Variants in IARS1 observed in about 807,000 individuals in gnomAD.
The protein encoded by IARS1 is isoleucyl-tRNA synthetase 1.
Under a neutral mutation model 168.2 loss-of-function variants are expected in IARS1, and 124 were observed. That is an observed-to-expected ratio of 0.74 (90% CI 0.64 to 0.86). The LOEUF is 0.86. Among genes scored for constraint, IARS1 ranks in the 40% least tolerant of loss-of-function variants. The pLI is 0.00. For missense variants in IARS1, 1,452 were observed against 1,515.8 expected (o/e 0.96, Z 0.70); for synonymous variants, 532 against 529.4 (o/e 1.00, Z -0.07).
intron 16 of IARS1, among the ~76,000 whole-genome samples, chr9:92,263,924 A>G (rs1831903175): frequency 6.6e-6 from 1 of 152,266 alleles, no homozygotes; most frequent in African/African-American, 2.4e-5. Context: ...ATCTGAAGAC[A>G]GCACATTCCA....
At position 92,250,331 on chromosome 9, in the gene IARS1, GA is replaced by G. The variant is rs766416467; in HGVS notation, c.2430-43del. The stretch of plus-strand genomic sequence containing the variant: ...GGAATATGAAAGAGTTTAGATTTAA[GA>G]GGAGAAAATTGAAGGCACTAGGCAT... On this transcript the variant is annotated intron_variant, in intron 23 of 33. Transcript: ENST00000443024. 3 of 1,302,430 alleles carry G rather than the reference GA, an allele frequency of 2.3e-6. No individual in the cohort carries two copies. The South Asian group carries it at 3.5e-5, about 15-fold the overall frequency. The allele number at this position is 1,302,430 out of a possible 1,614,324, so 80.7% of individuals were successfully genotyped here.
chr9:92,271,114 C>T, intron 11 of IARS1, 38 bp from the exon 12 acceptor site: 2 of 1,304,748 alleles, frequency 1.5e-6, no homozygotes, highest in Non-Finnish European at 2.2e-6. Context: ...TTAAAACATA[C>T]TATAATACTT....
chr9:92,234,623 C>T (rs187292577), intron 30 of IARS1, among the ~76,000 whole-genome samples: 276 of 152,288 alleles, frequency 1.8e-3, no homozygotes, highest in Admixed American at 3.7e-3. Flanking sequence ...ACTGACCATC[C>T]GATTCCTTCT....
Position 92,245,040 on chromosome 9 carries a change from G to C in IARS1, c.2823C>G (p.His941Gln). ...TGTACATGAGGCGGATGTCTTCATC[G>C]TGCAATTCATGGCCTTCCACAACAA... ...GTIVVEGHEL[H>Q]DEDIRLMYTF... The change falls in exon 27 of 34, where the codon CAC becomes CAG. Residue 941 changes from histidine (H) to glutamine (Q), a missense_variant. His to Gln is a conservative substitution (Grantham distance 24). Transcript: ENST00000443024. The C allele has an allele frequency of 6.2e-7, 1 of 1,614,120 alleles. No individual in the cohort carries two copies. The highest frequency in any genetic ancestry group is 8.5e-7 in the Non-Finnish European group (1 of 1,179,996).
At chr9:92,220,736 TGGGA>T (rs1453192961) in intron 33 of IARS1, among the ~76,000 whole-genome samples, 1 of 152,148 alleles carries the variant, frequency 6.6e-6, no homozygotes, top group Admixed American at 6.5e-5. Flanking sequence ...GAGGCCAAGG[TGGGA>T]GGATCACTTG....
intron 9 of IARS1, among the ~76,000 whole-genome samples, chr9:92,274,902 T>C (rs906363239): frequency 6.6e-6 from 1 of 152,220 alleles, no homozygotes; most frequent in Non-Finnish European, 1.5e-5. Context: ...TCACTGCATA[T>C]GTTTTGCTTC....
intron 2 of IARS1, 91 bp downstream of exon 2, chr9:92,289,206 CAAAA>C (rs11438082): frequency 4.3e-3 from 1,398 of 324,752 alleles, no homozygotes; most frequent in East Asian, 6.8e-3. Context: ...GACTCCATCT[CAAAA>C]AAAAAAAAAA....
intron 31 of IARS1, among the ~76,000 whole-genome samples, chr9:92,225,192 T>G (rs1825476969): frequency 6.6e-6 from 1 of 152,178 alleles, no homozygotes; most frequent in East Asian, 1.9e-4. Context: ...TGGACAAGGA[T>G]TTGCCACTGT....
rs776692827 is a variant in IARS1, at chr9:92,278,229, T to A, written c.803A>T (p.Lys268Ile). ...AAGGATCTCATAGTCACTCTCCAAT[T>A]TATAGAGGGCTGACAATCTGGCTTC... The part of the protein sequence containing the change: ...LMEARLSALY[K>I]LESDYEILER... The change falls in exon 8 of 34, where the codon AAA (lysine) becomes ATA (isoleucine). Residue 268 changes from lysine to isoleucine, a missense_variant. Lys to Ile is a moderately radical substitution (Grantham distance 102, BLOSUM62 -3). Transcript: ENST00000443024. 1.2e-6 allele frequency: 2 copies of A among 1,611,812 alleles called. No homozygotes were observed. Among genetic ancestry groups the A allele is most frequent in the Non-Finnish European group, 1.7e-6 (2 of 1,177,872 alleles).
At chr9:92,228,870 G>C in intron 31 of IARS1, 131 bp downstream of exon 31, 1 of 980,972 alleles carries the variant, frequency 1.0e-6, no homozygotes, top group Admixed American at 2.1e-5. Flanking sequence ...AGGCACTGCT[G>C]AAGAGTTGGG....
At chr9:92,219,265 A>C (rs983460395) in intron 33 of IARS1, among the ~76,000 whole-genome samples, 31 of 152,216 alleles carry the variant, frequency 2.0e-4, no homozygotes, top group African/African-American at 6.0e-4. Context: ...CTTATACAAA[A>C]ATCAAGATGG....
rs1404207737 is a variant in IARS1 at position 92,265,049 on chromosome 9, C to T, written c.1580G>A (p.Trp527Ter). ...ATAGGGCATGCTGCCACTCTCAAAC[C>T]AACAGTCAAACACTTCAGAGATGCG... The part of the protein sequence containing the change: ...LHRISEVFDC[W>*]FESGSMPYAQ... The change falls in exon 16 of 34, where the codon TGG becomes TAG. Residue 527 changes from tryptophan to a stop codon, truncating the protein, a stop_gained. Coordinates refer to ENST00000443024, the MANE Select transcript of IARS1 (RefSeq NM_002161.6). LOFTEE classifies it high-confidence loss of function. 6.2e-7 allele frequency: 1 copy of T among 1,614,116 alleles called. No individual in the cohort carries two copies. The highest frequency in any genetic ancestry group is 1.1e-5 in the South Asian group (1 of 91,078).
intron 33 of IARS1, among the ~76,000 whole-genome samples, chr9:92,217,124 C>G (rs1008869143): frequency 2.6e-5 from 4 of 151,084 alleles, no homozygotes; most frequent in Non-Finnish European, 4.4e-5. Context: ...GAATCTCACT[C>G]AAAACCGCTC....
intron 28 of IARS1, 123 bp downstream of exon 28, chr9:92,243,093 T>A (rs965759650): frequency 8.3e-5 from 55 of 663,564 alleles, no homozygotes; most frequent in Non-Finnish European, 1.4e-4. Flanking sequence ...AAATGGACTA[T>A]GGATTAGTGA....
At chr9:92,223,544 G>T in intron 31 of IARS1, 55 bp from the exon 32 acceptor site, 1 of 1,433,496 alleles carries the variant, frequency 7.0e-7, no homozygotes, top group Non-Finnish European at 9.6e-7. Context: ...CAAAACTGAA[G>T]TCATTCAATT....
At chr9:92,222,441 G>T in intron 33 of IARS1, 79 bp downstream of exon 33, 9 of 1,047,584 alleles carry the variant, frequency 8.6e-6, no homozygotes, top group African/African-American at 1.6e-5. Context: ...TATCTTACAT[G>T]TATATGCTAC....
chr9:92,285,872 C>T (rs1036146503), intron 5 of IARS1, 33 bp from the exon 6 acceptor site: 2 of 1,204,786 alleles, frequency 1.7e-6, no homozygotes, highest in East Asian at 2.4e-5. Context: ...AATTACAGAA[C>T]AAAATTCTAT....
intron 15 of IARS1, 55 bp from the exon 16 acceptor site, chr9:92,265,178 A>G: frequency 6.9e-7 from 1 of 1,444,658 alleles, no homozygotes. Context: ...CAGAACTTGC[A>G]GTTTAATTGC....
rs1330939322 is a variant in IARS1 at position 92,229,061 on chromosome 9, C to T, written c.3349G>A (p.Val1117Ile). Reference protein sequence around the residue: ...NRLDLLKLKSVVTSIFGVKNT... With the variant: ...NRLDLLKLKSIVTSIFGVKNT... The stretch of plus-strand genomic sequence containing the variant: ...TTCACACCAAAAATGCTAGTGACAA[C>T]ACTCTTCAGCTTTAAAAGGTCCAAC... Residue 1117 changes from valine (V) to isoleucine (I), a missense_variant, in exon 31 of 34, where the codon GTT becomes ATT. Val to Ile is a conservative substitution (Grantham distance 29, BLOSUM62 3). Coordinates refer to ENST00000443024, the MANE Select transcript of IARS1 (RefSeq NM_002161.6). 1 of 1,614,082 alleles carries T rather than the reference C, an allele frequency of 6.2e-7. No homozygotes were observed. The highest frequency in any genetic ancestry group is 8.5e-7 in the Non-Finnish European group (1 of 1,180,008).
Sources: allele counts gnomAD v4.1 joint callset (sites outside exome capture counted in the v4.1 genomes callset), GRCh38; gene constraint gnomAD v4.1.1; transcripts MANE v1.5; gene names NCBI Gene and HGNC (gene_info 2026-07-23, HGNC 2026-07-21).